The following FCHSD2 variants were observed in gnomAD, a reference collection of about 807,000 sequenced individuals.
The protein encoded by FCHSD2 is FCH and double SH3 domains 2.
Under a neutral mutation model 108.1 loss-of-function variants are expected in FCHSD2, and 38 were observed. That is an observed-to-expected ratio of 0.35 (90% CI 0.27 to 0.46). FCHSD2 has a LOEUF of 0.46. Ranked by LOEUF, FCHSD2 falls within the 20% of genes least tolerant of loss-of-function variation. The pLI, the probability that FCHSD2 is intolerant of heterozygous loss-of-function variation, is 1.00. For missense variants in FCHSD2, 751 were observed against 897.8 expected (o/e 0.84, Z 2.09); for synonymous variants, 279 against 314.7 (o/e 0.89, Z 1.20).
chr11:72,845,225 G>C (rs536269781), intron 14 of FCHSD2, among the ~76,000 whole-genome samples: 1 of 151,868 alleles, frequency 6.6e-6, no homozygotes, highest in East Asian at 1.9e-4. Context: ...GTTTGAGACC[G>C]GCCTGGGCAA....
At chr11:73,044,380 C>A (rs987991998) in intron 3 of FCHSD2, among the ~76,000 whole-genome samples, 1 of 152,088 alleles carries the variant, frequency 6.6e-6, no homozygotes, top group Non-Finnish European at 1.5e-5. Flanking sequence ...GAGTTTGAGA[C>A]CAGCCTGGGC....
chr11:73,134,174 G>GA (rs959637569), intron 2 of FCHSD2, among the ~76,000 whole-genome samples: 2 of 151,780 alleles, frequency 1.3e-5, no homozygotes, highest in Non-Finnish European at 1.5e-5. Flanking sequence ...CTGAGACACT[G>GA]AAAAAAAGTC....
At chr11:72,854,033 C>A (rs1318413093) in intron 13 of FCHSD2, among the ~76,000 whole-genome samples, 2 of 152,044 alleles carry the variant, frequency 1.3e-5, no homozygotes, top group African/African-American at 2.4e-5. Flanking sequence ...CATTTCACAC[C>A]CATTAGGATG....
At chr11:72,841,115 C>T (rs948447207) in intron 18 of FCHSD2, among the ~76,000 whole-genome samples, 156 bp from the exon 19 acceptor site, 1 of 152,076 alleles carries the variant, frequency 6.6e-6, no homozygotes, top group Non-Finnish European at 1.5e-5. Flanking sequence ...CTGCAGTGAG[C>T]TATGATCCCA....
At chr11:73,135,986 C>A (rs1861112059) in intron 2 of FCHSD2, among the ~76,000 whole-genome samples, 1 of 151,764 alleles carries the variant, frequency 6.6e-6, no homozygotes, top group Non-Finnish European at 1.5e-5. Flanking sequence ...AACAAACAAA[C>A]CCTGTCTCTA....
At chr11:72,843,565 A>C in intron 14 of FCHSD2, 33 bp from the exon 15 acceptor site, 1 of 1,522,882 alleles carries the variant, frequency 6.6e-7, no homozygotes, top group South Asian at 1.1e-5. Flanking sequence ...ACAAAATTAA[A>C]AAGGTTAGAT....
At chr11:73,051,558 T>C (rs1858898164) in intron 3 of FCHSD2, among the ~76,000 whole-genome samples, 1 of 151,914 alleles carries the variant, frequency 6.6e-6, no homozygotes, top group African/African-American at 2.4e-5. Flanking sequence ...CAAACAACAA[T>C]GAAAGTAATT....
chr11:72,842,491 A>C, intron 17 of FCHSD2, 130 bp downstream of exon 17: 1 of 1,076,592 alleles, frequency 9.3e-7, no homozygotes, highest in South Asian at 1.6e-5. Context: ...GCAGTTGTGC[A>C]GACACTGGCA....
chr11:73,080,397 C>T lies in FCHSD2; in HGVS notation c.165+3298G>A, dbSNP rs117218917. Among the ~76,000 whole-genome samples, 594 of 151,434 alleles carry T rather than the reference C, an allele frequency of 3.9e-3. 2 individuals carry two copies. Among genetic ancestry groups the T allele is most frequent in the Non-Finnish European group, 5.8e-3 (395 of 67,920 alleles). On this transcript the variant is annotated intron_variant, in intron 3 of 19. Transcript: ENST00000409418. ...CTCTGTAAAATGTAATTCCACTGTA[C>T]CTGCATACATTCATATTTACACACA...
intron 17 of FCHSD2, among the ~76,000 whole-genome samples, chr11:72,842,001 G>A (rs1448856270): frequency 1.3e-5 from 2 of 152,168 alleles, no homozygotes; most frequent in Admixed American, 6.5e-5. Context: ...AGGCTAAGGG[G>A]TCACAATCAC....
intron 3 of FCHSD2, among the ~76,000 whole-genome samples, chr11:73,027,060 G>T (rs183979932): frequency 6.6e-6 from 1 of 152,108 alleles, no homozygotes; most frequent in South Asian, 2.1e-4. Flanking sequence ...GAGACATGGC[G>T]TATTTCTATA....
Position 72,984,336 on chromosome 11 carries a change from C to T in FCHSD2, c.577-120G>A, listed in dbSNP as rs192236942. The T allele has an allele frequency of 3.8e-5, 31 of 812,184 alleles. No homozygotes were observed. In the East Asian group the frequency reaches 5.0e-4, roughly 13 times the overall value. 50.3% of individuals were successfully genotyped at this position (812,184 alleles called of 1,614,324 possible). A position where few individuals can be genotyped will look rare whatever the true frequency, so the allele number is the denominator to read the frequency against. On this transcript the variant is annotated intron_variant, in intron 7 of 19. Transcript: ENST00000409418. ...CAACAAGAATAAAGGTAACCACGTGCGGAAAACATTTATACGTATATAAAA... is the reference window on the plus strand; with the variant it reads ...CAACAAGAATAAAGGTAACCACGTGTGGAAAACATTTATACGTATATAAAA...
intron 18 of FCHSD2, 91 bp from the exon 19 acceptor site, chr11:72,841,050 C>T: frequency 1.0e-6 from 1 of 959,480 alleles, no homozygotes; most frequent in South Asian, 1.4e-5. Context: ...AGCCTGTAAT[C>T]CCAGCACTTT....
At chr11:73,140,543 A>C (rs1203746971) in intron 1 of FCHSD2, among the ~76,000 whole-genome samples, 1 of 152,206 alleles carries the variant, frequency 6.6e-6, no homozygotes, top group Non-Finnish European at 1.5e-5. Context: ...AGTGCCTGAT[A>C]CCCAATGACC....
At chr11:73,065,163 T>C (rs1251225988) in intron 3 of FCHSD2, among the ~76,000 whole-genome samples, 1 of 152,138 alleles carries the variant, frequency 6.6e-6, no homozygotes, top group Non-Finnish European at 1.5e-5. Flanking sequence ...TCCACCATGA[T>C]CAAATCAGCT....
chr11:73,030,383 T>C (rs1340800562), intron 3 of FCHSD2, among the ~76,000 whole-genome samples: 1 of 152,090 alleles, frequency 6.6e-6, no homozygotes, highest in Non-Finnish European at 1.5e-5. Flanking sequence ...AAAGGAGATA[T>C]TTTCACAACT....
chr11:72,939,477 A>G (rs1354262943), intron 8 of FCHSD2, among the ~76,000 whole-genome samples: 1 of 152,110 alleles, frequency 6.6e-6, no homozygotes, highest in Non-Finnish European at 1.5e-5. Context: ...AGAGAGTTAT[A>G]GAGATTTATT....
chr11:73,021,871 T>G (rs1288703696), intron 3 of FCHSD2, among the ~76,000 whole-genome samples: 1 of 152,092 alleles, frequency 6.6e-6, no homozygotes, highest in Non-Finnish European at 1.5e-5. Flanking sequence ...TGAGGATCAC[T>G]TGAGCCCAGG....
chr11:73,117,977 G>A (rs567410686), intron 2 of FCHSD2, among the ~76,000 whole-genome samples: 1 of 152,176 alleles, frequency 6.6e-6, no homozygotes, highest in East Asian at 1.9e-4. Context: ...TACATTTTCT[G>A]AGTTTTGACA....
Sources: allele counts gnomAD v4.1 joint callset (sites outside exome capture counted in the v4.1 genomes callset), GRCh38; gene constraint gnomAD v4.1.1; transcripts MANE v1.5; gene names NCBI Gene and HGNC (gene_info 2026-07-23, HGNC 2026-07-21).